Variants in DENND2B observed in about 807,000 individuals in gnomAD.
DENND2B encodes DENN domain containing 2B, also known as DENN domain-containing protein 2B.
Under a neutral mutation model 116.0 loss-of-function variants are expected in DENND2B, and 32 were observed. The observed-to-expected ratio is 0.28, with a 90% CI of 0.21 to 0.37. The LOEUF is 0.37. Among genes scored for constraint, DENND2B ranks in the 10% least tolerant of loss-of-function variants. DENND2B has a pLI of 1.00. For synonymous variants in DENND2B, 588 were observed against 583.9 expected, an observed-to-expected ratio of 1.01 and a Z score of -0.10; for missense variants, 1,276 against 1,477.7, an observed-to-expected ratio of 0.86 and a Z score of 2.24.
chr11:8,756,377 T>C (rs2053611315), intron 1 of DENND2B, among the ~76,000 whole-genome samples: 1 of 152,200 alleles, frequency 6.6e-6, no homozygotes, highest in Admixed American at 6.5e-5. Flanking sequence ...AGAAAAATCC[T>C]GTGAAGATGT....
intron 2 of DENND2B, among the ~76,000 whole-genome samples, chr11:8,863,909 T>C (rs2063492150): frequency 6.6e-6 from 1 of 152,124 alleles, no homozygotes; most frequent in Non-Finnish European, 1.5e-5. Context: ...TGGGTCTAAG[T>C]ACTTAGAATG....
At chr11:8,783,563 C>A (rs2058608443) in intron 1 of DENND2B, among the ~76,000 whole-genome samples, 1 of 152,168 alleles carries the variant, frequency 6.6e-6, no homozygotes, top group Non-Finnish European at 1.5e-5. Context: ...GGACAAGATA[C>A]ACCACAAATT....
At chr11:8,907,695 G>A (rs2064255729) in intron 1 of DENND2B, among the ~76,000 whole-genome samples, 1 of 151,850 alleles carries the variant, frequency 6.6e-6, no homozygotes, top group Admixed American at 6.6e-5. Context: ...TAATAGAAAA[G>A]CCAACTCTTT....
chr11:8,844,014 T>C (rs74054216), intron 3 of DENND2B, among the ~76,000 whole-genome samples: 2,626 of 152,364 alleles, frequency 0.017, 80 homozygotes, highest in African/African-American at 0.057. Context: ...AAGAATGTTA[T>C]ATTACCCTCC....
chr11:8,828,198 A>G (rs1382737309), intron 4 of DENND2B, among the ~76,000 whole-genome samples: 1 of 152,210 alleles, frequency 6.6e-6, no homozygotes, highest in Admixed American at 6.5e-5. Flanking sequence ...TAAAGCAAGT[A>G]AAGGACCAGA....
rs776743791 is a variant in DENND2B, at chr11:8,726,138, G to A, written c.1412C>T (p.Thr471Ile). ...LYPSSPTENG[T>I]ENQPKFGSKS... ...GGATCCAAACTTGGGTTGGTTCTCAGTACCATTCTCAGTGGGAGAAGAGGG... is the reference window on the plus strand; with the variant it reads ...GGATCCAAACTTGGGTTGGTTCTCAATACCATTCTCAGTGGGAGAAGAGGG... Residue 471 changes from threonine to isoleucine, a missense_variant, in exon 4 of 20, where the codon ACT becomes ATT. Thr to Ile is a moderately conservative substitution (Grantham distance 89). Around this residue, in one of 2 missense-constraint regions of DENND2B, gnomAD observed 856 missense variants for 846.6 expected, o/e 1.01. Transcript: ENST00000313726. 1 of 1,614,156 alleles carries A rather than the reference G, an allele frequency of 6.2e-7. No individual in the cohort carries two copies. The highest frequency in any genetic ancestry group is 8.5e-7 in the Non-Finnish European group (1 of 1,180,016).
intron 2 of DENND2B, among the ~76,000 whole-genome samples, chr11:8,741,853 C>A (rs1435089802): frequency 6.6e-6 from 1 of 152,172 alleles, no homozygotes; most frequent in Admixed American, 6.5e-5. Context: ...GTGATACCAG[C>A]CCCTAGCTAC....
intron 4 of DENND2B, among the ~76,000 whole-genome samples, chr11:8,725,003 G>A (rs772038964): frequency 1.3e-5 from 2 of 152,240 alleles, no homozygotes; most frequent in Non-Finnish European, 2.9e-5. Context: ...GGGGAAACCC[G>A]TGTGAACACG....
At chr11:8,704,243 C>A (rs1412200577) in intron 13 of DENND2B, among the ~76,000 whole-genome samples, 1 of 152,180 alleles carries the variant, frequency 6.6e-6, no homozygotes, top group Non-Finnish European at 1.5e-5. Flanking sequence ...GGCAGGACAT[C>A]TAGAAGGGCA....
upstream of DENND2B, among the ~76,000 whole-genome samples, chr11:8,874,828 G>A (rs1352210130): frequency 6.6e-6 from 1 of 152,120 alleles, no homozygotes; most frequent in African/African-American, 2.4e-5. Context: ...AAGACATTGA[G>A]GTGGGAGGAT....
chr11:8,888,701 T>C (rs757731219), intron 1 of DENND2B, among the ~76,000 whole-genome samples: 4 of 152,170 alleles, frequency 2.6e-5, no homozygotes, highest in Non-Finnish European at 4.4e-5. Context: ...CCAGAATATG[T>C]AGAGAACTCC....
intron 1 of DENND2B, among the ~76,000 whole-genome samples, chr11:8,783,065 T>TTTTTC (rs1263597040): frequency 2.7e-5 from 4 of 149,042 alleles, no homozygotes; most frequent in Non-Finnish European, 5.9e-5. Context: ...TTTTTTTTTT[T>TTTTTC]TCCCAAAGAG....
At chr11:8,805,535 A>G (rs538598055) in intron 1 of DENND2B, among the ~76,000 whole-genome samples, 4 of 152,292 alleles carry the variant, frequency 2.6e-5, no homozygotes, top group African/African-American at 7.2e-5. Context: ...GAGAAGCTTC[A>G]ACACAGGCCT....
intron 1 of DENND2B, among the ~76,000 whole-genome samples, chr11:8,888,529 G>T (rs937594813): frequency 3.3e-5 from 5 of 152,108 alleles, no homozygotes; most frequent in African/African-American, 1.2e-4. Context: ...TCATTTCTGG[G>T]ATATGACACA....
At chr11:8,902,428 G>A (rs1365901804) in intron 1 of DENND2B, among the ~76,000 whole-genome samples, 1 of 152,126 alleles carries the variant, frequency 6.6e-6, no homozygotes, top group Non-Finnish European at 1.5e-5. Context: ...GGTATTTTGA[G>A]GCTGTGTTGT....
rs1452121685 is a variant in DENND2B, at chr11:8,702,506, T to G, written c.2720+66A>C. On this transcript the variant is annotated intron_variant, in intron 14 of 19. Transcript: ENST00000313726. The surrounding 1 kb of genome is among the most constrained non-coding windows in gnomAD (Gnocchi z 4.6). The stretch of plus-strand genomic sequence containing the variant: ...GGCGCCTGCTTAGGCTCCTGAACAC[T>G]TGCTGATTCGCTTGTGGGTGTGCCT... The G allele has an allele frequency of 1.3e-6, 2 of 1,598,676 alleles. No homozygotes were observed. The highest frequency in any genetic ancestry group is 1.7e-6 in the Non-Finnish European group (2 of 1,177,932).
chr11:8,885,154 G>C (rs1044179880), intron 1 of DENND2B, among the ~76,000 whole-genome samples: 25 of 152,228 alleles, frequency 1.6e-4, no homozygotes, highest in Non-Finnish European at 3.1e-4. Context: ...TGTAATCTTG[G>C]GTCACAGATA....
At position 8,774,852 on chromosome 11, in the gene DENND2B, T is replaced by C. The variant is rs1033614155; in HGVS notation, c.-25-24127A>G. On this transcript the variant is annotated intron_variant, in intron 1 of 19. Coordinates refer to ENST00000313726, the MANE Select transcript of DENND2B (RefSeq NM_213618.2). Reference sequence around the variant, plus strand: ...GTCTAGGAACCCTATCTAGGTCTTCTTATTTTTTTCGTTTTTTTTTTTTAA... The same window carrying C: ...GTCTAGGAACCCTATCTAGGTCTTCCTATTTTTTTCGTTTTTTTTTTTTAA... Among the ~76,000 whole-genome samples the C allele has an allele frequency of 1.7e-4, 26 of 151,168 alleles. 1 individual carries two copies. Among genetic ancestry groups the C allele is most frequent in the Non-Finnish European group, 2.9e-5 (2 of 67,918 alleles).
chr11:8,762,968 C>A (rs2054960356), intron 1 of DENND2B, among the ~76,000 whole-genome samples: 1 of 152,134 alleles, frequency 6.6e-6, no homozygotes, highest in South Asian at 2.1e-4. Flanking sequence ...AGCAAACCAA[C>A]AGAGTATAAG....
Sources: allele counts gnomAD v4.1 joint callset (sites outside exome capture counted in the v4.1 genomes callset), GRCh38; gene constraint gnomAD v4.1.1; regional missense constraint gnomAD v4.1.1; non-coding constraint Gnocchi (gnomAD v3.1); transcripts MANE v1.5; gene names NCBI Gene and HGNC (gene_info 2026-07-23, HGNC 2026-07-21).